Variants in LRMDA observed in about 807,000 individuals in gnomAD.
LRMDA encodes the protein leucine rich melanocyte differentiation associated.
LRMDA carries 18 observed loss-of-function variants against 29.8 expected under a neutral mutation model. That is an observed-to-expected ratio of 0.60 (90% CI 0.42 to 0.90). The LOEUF (loss-of-function observed/expected upper bound fraction) is 0.90, where lower values mean the gene tolerates loss of function less well. Among genes scored for constraint, LRMDA ranks in the 40% least tolerant of loss-of-function variants. The pLI, the probability that LRMDA is intolerant of heterozygous loss-of-function variation, is 0.00. For missense variants in LRMDA, 273 were observed against 273.9 expected (o/e 1.00, Z 0.02); for synonymous variants, 125 against 109.4 (o/e 1.14, Z -0.89).
At chr10:75,756,690 C>G (rs11001494) in intron 2 of LRMDA, among the ~76,000 whole-genome samples, 1 of 152,196 alleles carries the variant, frequency 6.6e-6, no homozygotes. Flanking sequence ...AGCCCTTTGC[C>G]TACATGTTTT....
At chr10:76,403,872 C>T (rs1391226918) in intron 6 of LRMDA, among the ~76,000 whole-genome samples, 1 of 152,000 alleles carries the variant, frequency 6.6e-6, no homozygotes, top group Non-Finnish European at 1.5e-5. Context: ...TTCCTAGTTT[C>T]CCCCCTGGCC....
chr10:76,052,827 C>G (rs531284603), intron 4 of LRMDA, among the ~76,000 whole-genome samples: 2 of 152,072 alleles, frequency 1.3e-5, no homozygotes, highest in Admixed American at 1.3e-4. Flanking sequence ...CTGACTCTCA[C>G]CCCCACCCCT....
chr10:76,385,392 G>A (rs1377891136), intron 6 of LRMDA, among the ~76,000 whole-genome samples: 1 of 152,210 alleles, frequency 6.6e-6, no homozygotes, highest in Non-Finnish European at 1.5e-5. Context: ...TTTACAGAAT[G>A]CCTCATCACA....
chr10:75,535,038 T>C (rs963232470), intron 2 of LRMDA, among the ~76,000 whole-genome samples: 6 of 152,162 alleles, frequency 3.9e-5, no homozygotes, highest in Non-Finnish European at 7.3e-5. Flanking sequence ...AGAGGCTTAG[T>C]GTTATGCTTG....
intron 2 of LRMDA, among the ~76,000 whole-genome samples, chr10:75,936,551 C>A (rs1846297809): frequency 6.6e-6 from 1 of 152,104 alleles, no homozygotes; most frequent in Non-Finnish European, 1.5e-5. Context: ...TCTGTTTGGG[C>A]TGCTGTAACA....
chr10:76,477,774 CA>C (rs1842691596), intron 6 of LRMDA, among the ~76,000 whole-genome samples: 1 of 152,092 alleles, frequency 6.6e-6, no homozygotes, highest in Non-Finnish European at 1.5e-5. Flanking sequence ...TGATCTTTGA[CA>C]AACTTGACAA....
chr10:75,692,436 CAT>C (rs1306077137), intron 2 of LRMDA, among the ~76,000 whole-genome samples: 4 of 150,168 alleles, frequency 2.7e-5, no homozygotes, highest in African/African-American at 9.8e-5. Context: ...TATATACACA[CAT>C]ACATATATGT....
At chr10:76,042,569 A>T (rs2132036191) in intron 3 of LRMDA, among the ~76,000 whole-genome samples, 2 of 152,356 alleles carry the variant, frequency 1.3e-5, no homozygotes, top group Middle Eastern at 6.8e-3. Flanking sequence ...ATGAATGTTT[A>T]TTTGGAATAG....
intron 2 of LRMDA, among the ~76,000 whole-genome samples, chr10:75,873,800 T>G (rs1347198725): frequency 1.3e-5 from 2 of 152,196 alleles, no homozygotes; most frequent in African/African-American, 4.8e-5. Flanking sequence ...CCAGCTAATG[T>G]CATCAGCGGG....
chr10:75,829,138 G>T (rs149332634), intron 2 of LRMDA, among the ~76,000 whole-genome samples: 12 of 152,312 alleles, frequency 7.9e-5, no homozygotes, highest in African/African-American at 2.6e-4. Flanking sequence ...GAGCTGAATG[G>T]CTCTAGATGG....
At chr10:76,073,046 TTAGCAGGGAATTCCTGAATTCCC>T (rs1363988846) in intron 5 of LRMDA, among the ~76,000 whole-genome samples, 1 of 152,200 alleles carries the variant, frequency 6.6e-6, no homozygotes, top group Non-Finnish European at 1.5e-5. Context: ...ACAAACCTCC[TTAGCAGGGAATTCCTGAATTCCC>T]TAAAATGGAA....
intron 6 of LRMDA, among the ~76,000 whole-genome samples, chr10:76,460,601 A>C: frequency 6.6e-6 from 1 of 152,260 alleles, no homozygotes; most frequent in East Asian, 1.9e-4. Context: ...CGTAATAGCA[A>C]GAACTGTGTA....
At chr10:76,414,846 G>T in intron 6 of LRMDA, among the ~76,000 whole-genome samples, 1 of 152,236 alleles carries the variant, frequency 6.6e-6, no homozygotes, top group East Asian at 1.9e-4. Context: ...TAAGAACCAG[G>T]GGAATGGGAA....
intron 5 of LRMDA, among the ~76,000 whole-genome samples, chr10:76,131,473 G>A (rs983763162): frequency 1.3e-5 from 2 of 152,060 alleles, no homozygotes; most frequent in African/African-American, 2.4e-5. Context: ...TTTGAATCTT[G>A]TATATACCTG....
chr10:75,695,756 T>C (rs928228595), intron 2 of LRMDA, among the ~76,000 whole-genome samples: 5 of 152,216 alleles, frequency 3.3e-5, no homozygotes, highest in African/African-American at 1.2e-4. Flanking sequence ...CATATTCTTC[T>C]GTGGCCTGAT....
chr10:75,480,718 A>G (rs1427172302), intron 2 of LRMDA, among the ~76,000 whole-genome samples: 1 of 152,214 alleles, frequency 6.6e-6, no homozygotes, highest in Non-Finnish European at 1.5e-5. Context: ...CTTTAGAAAG[A>G]TCACTGTGGT....
At chr10:76,196,747 T>G (rs1434542630) in intron 5 of LRMDA, among the ~76,000 whole-genome samples, 3 of 152,258 alleles carry the variant, frequency 2.0e-5, no homozygotes, top group East Asian at 3.8e-4. Flanking sequence ...GTGCATTACA[T>G]GCATGCAATT....
rs534451929 is a variant in LRMDA at position 76,487,583 on chromosome 10, C to T, written c.602-69626C>T. Among the ~76,000 whole-genome samples the T allele has an allele frequency of 4.6e-5, 7 of 151,894 alleles. No homozygotes were observed. The South Asian group carries it at 1.5e-3, about 32-fold the overall frequency. On this transcript the variant is annotated intron_variant, in intron 6 of 6. Transcript: ENST00000611255. The stretch of plus-strand genomic sequence containing the variant: ...TTTGAGTATGGGGATTTGAGTAATT[C>T]TGGCATGTCTGTATGGGGTTTTTGA...
intron 5 of LRMDA, among the ~76,000 whole-genome samples, chr10:76,136,351 G>A (rs780423647): frequency 2.6e-5 from 4 of 152,128 alleles, no homozygotes; most frequent in Non-Finnish European, 5.9e-5. Flanking sequence ...AGAAGTCAGT[G>A]CCTTGTGCTG....
Sources: gnomAD v4.1 joint callset for allele counts (sites outside exome capture counted in the v4.1 genomes callset) on GRCh38, gnomAD v4.1.1 for gene constraint, MANE v1.5 for transcripts, NCBI Gene and HGNC (gene_info 2026-07-23, HGNC 2026-07-21) for gene names.